Variants in DPYD observed in about 807,000 individuals in gnomAD.
The protein encoded by DPYD is dihydropyrimidine dehydrogenase.
DPYD carries 109 observed loss-of-function variants against 116.2 expected under a neutral mutation model. The observed-to-expected ratio is 0.94, with a 90% CI of 0.80 to 1.10. DPYD has a LOEUF of 1.10. DPYD is among the 50% of genes least tolerant of loss of function. The pLI, the probability that DPYD is intolerant of heterozygous loss-of-function variation, is 0.00. For synonymous variants in DPYD, 440 were observed against 432.0 expected, an observed-to-expected ratio of 1.02 and a Z score of -0.23; for missense variants, 1,302 against 1,254.5, an observed-to-expected ratio of 1.04 and a Z score of -0.57.
At chr1:97,705,544 T>C (rs537941745) in intron 5 of DPYD, among the ~76,000 whole-genome samples, 1 of 152,092 alleles carries the variant, frequency 6.6e-6, no homozygotes, top group East Asian at 1.9e-4. Flanking sequence ...TGTTGGACAT[T>C]TGGGTTGGTT....
At chr1:97,780,275 C>G (rs1212995302) in intron 3 of DPYD, among the ~76,000 whole-genome samples, 3 of 152,028 alleles carry the variant, frequency 2.0e-5, no homozygotes, top group Non-Finnish European at 4.4e-5. Flanking sequence ...AACTGATGAA[C>G]AAATAAAGGC....
intron 3 of DPYD, among the ~76,000 whole-genome samples, chr1:97,827,003 T>C (rs1056445222): frequency 6.6e-6 from 1 of 152,162 alleles, no homozygotes; most frequent in African/African-American, 2.4e-5. Flanking sequence ...TTTAATTACC[T>C]CCCCCTGTGG....
At chr1:97,594,384 A>C (rs959419872) in intron 9 of DPYD, among the ~76,000 whole-genome samples, 8 of 152,174 alleles carry the variant, frequency 5.3e-5, no homozygotes, top group Admixed American at 2.0e-4. Context: ...CTGAAGAATA[A>C]TTTAATATAG....
intron 12 of DPYD, among the ~76,000 whole-genome samples, chr1:97,536,535 T>C (rs899548964): frequency 2.6e-5 from 4 of 152,214 alleles, no homozygotes; most frequent in Non-Finnish European, 5.9e-5. Context: ...TCTGAAGCAG[T>C]AGAGGATTCA....
At chr1:97,380,217 A>G (rs1671869857) in intron 15 of DPYD, among the ~76,000 whole-genome samples, 2 of 152,102 alleles carry the variant, frequency 1.3e-5, no homozygotes, top group African/African-American at 4.8e-5. Flanking sequence ...GCTCCCTATT[A>G]CTCATCTTTG....
chr1:97,503,859 A>T (rs1190380030), intron 13 of DPYD, among the ~76,000 whole-genome samples: 1 of 152,112 alleles, frequency 6.6e-6, no homozygotes, highest in African/African-American at 2.4e-5. Flanking sequence ...ATGCATTTTC[A>T]TATACTAAAT....
At chr1:97,138,411 G>A (rs1285390582) in intron 20 of DPYD, among the ~76,000 whole-genome samples, 1 of 152,132 alleles carries the variant, frequency 6.6e-6, no homozygotes, top group Middle Eastern at 3.2e-3. Context: ...GAGAATACTA[G>A]GATGTGCTGT....
intron 15 of DPYD, among the ~76,000 whole-genome samples, chr1:97,376,844 T>C (rs1348737209): frequency 1.3e-5 from 2 of 150,402 alleles, no homozygotes; most frequent in African/African-American, 2.5e-5. Flanking sequence ...CATCCATCTA[T>C]ACACAGTAGA....
chr1:97,403,344 T>C (rs888059995), intron 14 of DPYD, among the ~76,000 whole-genome samples: 2 of 152,048 alleles, frequency 1.3e-5, no homozygotes, highest in Non-Finnish European at 2.9e-5. Context: ...AAATTCTAAG[T>C]TTGAGACTAT....
intron 8 of DPYD, among the ~76,000 whole-genome samples, chr1:97,621,607 A>T (rs926737447): frequency 6.6e-6 from 1 of 152,082 alleles, no homozygotes; most frequent in African/African-American, 2.4e-5. Flanking sequence ...ATATTCCCTT[A>T]CCCATCAGCT....
Position 97,758,977 on chromosome 1 carries a change from C to T in DPYD, c.234-18498G>A, listed in dbSNP as rs533881795. Among the ~76,000 whole-genome samples the T allele has an allele frequency of 2.0e-5, 3 of 152,246 alleles. No individual in the cohort carries two copies. The East Asian group carries it at 5.8e-4, about 29-fold the overall frequency. The stretch of plus-strand genomic sequence containing the variant: ...CATTTGGGAAATGAGACAATATTTA[C>T]CTTAGAATCATGAGAATCCAATAAA... On this transcript the variant is annotated intron_variant, in intron 3 of 22. Transcript: ENST00000370192.
intron 12 of DPYD, among the ~76,000 whole-genome samples, chr1:97,534,284 A>C (rs963447620): frequency 6.6e-6 from 1 of 152,180 alleles, no homozygotes; most frequent in African/African-American, 2.4e-5. Flanking sequence ...AAATGAAATA[A>C]GGTAAAATTT....
At chr1:97,609,275 C>T (rs1012617449) in intron 8 of DPYD, among the ~76,000 whole-genome samples, 2 of 151,886 alleles carry the variant, frequency 1.3e-5, no homozygotes, top group African/African-American at 4.8e-5. Flanking sequence ...CCACTACCGG[C>T]AATGAAGTCT....
chr1:97,291,050 A>C (rs1466564157), intron 18 of DPYD, among the ~76,000 whole-genome samples: 1 of 152,256 alleles, frequency 6.6e-6, no homozygotes, highest in Non-Finnish European at 1.5e-5. Context: ...ACTTCTCAAA[A>C]GAAGACATTT....
intron 20 of DPYD, among the ~76,000 whole-genome samples, chr1:97,118,433 A>G (rs954643959): frequency 6.6e-6 from 1 of 152,124 alleles, no homozygotes; most frequent in Admixed American, 6.6e-5. Flanking sequence ...TCCAACATAC[A>G]AAGCCATTTA....
At chr1:97,684,570 A>T (rs189312725) in intron 7 of DPYD, among the ~76,000 whole-genome samples, 347 of 150,730 alleles carry the variant, frequency 2.3e-3, no homozygotes, top group East Asian at 4.1e-3. Flanking sequence ...TTGAAAAAAA[A>T]ATATATATAT....
At chr1:97,487,490 G>C (rs532294362) in intron 13 of DPYD, among the ~76,000 whole-genome samples, 2 of 152,020 alleles carry the variant, frequency 1.3e-5, no homozygotes, top group African/African-American at 4.8e-5. Context: ...TGGCTAACAC[G>C]GTGAAACCCC....
intron 2 of DPYD, among the ~76,000 whole-genome samples, chr1:97,866,916 T>A (rs888238325): frequency 6.6e-6 from 1 of 151,760 alleles, no homozygotes; most frequent in South Asian, 2.1e-4. Context: ...ACTAGGAGCC[T>A]GGGAAAACAA....
At chr1:97,259,995 A>C (rs563919037) in intron 18 of DPYD, among the ~76,000 whole-genome samples, 2 of 152,092 alleles carry the variant, frequency 1.3e-5, no homozygotes, top group East Asian at 3.8e-4. Flanking sequence ...TCTTCACAAG[A>C]AAAAAAATTA....
Sources: allele counts gnomAD v4.1 joint callset (sites outside exome capture counted in the v4.1 genomes callset), GRCh38; gene constraint gnomAD v4.1.1; transcripts MANE v1.5; gene names NCBI Gene and HGNC (gene_info 2026-07-23, HGNC 2026-07-21).